ANKRD26: variants seen among roughly 807,000 people sequenced by gnomAD.
ANKRD26 encodes the protein ankyrin repeat domain 26, also known as ankyrin repeat domain-containing protein 26.
A neutral mutation model predicts 208.7 loss-of-function variants in ANKRD26; 141 were observed. The ratio of observed to expected loss-of-function variants is 0.68; its 90% CI spans 0.59 to 0.78. The LOEUF is 0.78. Ranked by LOEUF, ANKRD26 falls within the 30% of genes least tolerant of loss-of-function variation. ANKRD26 has a pLI of 0.00. For synonymous variants in ANKRD26, 636 were observed against 660.4 expected (o/e 0.96, Z 0.57); for missense variants, 1,889 against 1,938.7 (o/e 0.97, Z 0.48).
intron 25 of ANKRD26, chr10:27,030,510 C>A (rs936884126): frequency 2.2e-5 from 22 of 985,224 alleles, no homozygotes; most frequent in Non-Finnish European, 2.5e-5. Flanking sequence ...CTCTGGTGGG[C>A]TTAAGGCTAA....
the ANKRD26 span, among the ~76,000 whole-genome samples, chr10:26,968,575 C>A: frequency 6.6e-6 from 1 of 152,342 alleles, no homozygotes; most frequent in East Asian, 1.9e-4. Context: ...CATAAGCCTT[C>A]ATATTCTAAT....
chr10:26,997,893 GC>G, intron 4 of ANKRD26, among the ~76,000 whole-genome samples: 1 of 152,186 alleles, frequency 6.6e-6, no homozygotes, highest in Admixed American at 6.5e-5. Context: ...AGAGCTTGGG[GC>G]CTTCACAGCA....
At chr10:26,968,031 T>C in the ANKRD26 span, among the ~76,000 whole-genome samples, 4 of 152,114 alleles carry the variant, frequency 2.6e-5, no homozygotes, top group Non-Finnish European at 5.9e-5. Flanking sequence ...CCAATCATGA[T>C]CTCCTCTGGG....
exon 6 of ANKRD26, among the ~76,000 whole-genome samples, chr10:26,975,402 C>CTTTTTTTTTTTTTTTTTTTTTTTTT (rs60226106): frequency 1.1e-5 from 1 of 90,486 alleles, no homozygotes; most frequent in African/African-American, 4.6e-5. Flanking sequence ...CTAATTTTTG[C>CTTTTTTTTTTTTTTTTTTTTTTTTT]TTTTTTTTTT....
chr10:26,977,143 T>C (rs531557577), intron 5 of ANKRD26, among the ~76,000 whole-genome samples: 5 of 152,336 alleles, frequency 3.3e-5, no homozygotes, highest in African/African-American at 1.2e-4. Context: ...CATTTGAAGG[T>C]ATACTTCAAA....
Position 27,093,542 on chromosome 10 carries a change from A to G in ANKRD26, c.358-20T>C. On this transcript the variant is annotated intron_variant, in intron 2 of 33. Transcript: ENST00000376087. ...TACAGCCTGGGAGTATTAGACCAAG[A>G]AACAGATCATAAATTCTAGGAATGC... 7.4e-6 allele frequency: 12 copies of G among 1,613,860 alleles called. No homozygotes were observed. Among genetic ancestry groups the G allele is most frequent in the Non-Finnish European group, 1.0e-5 (12 of 1,179,804 alleles).
the ANKRD26 span, among the ~76,000 whole-genome samples, chr10:26,953,565 A>T: frequency 6.6e-6 from 1 of 152,196 alleles, no homozygotes; most frequent in Non-Finnish European, 1.5e-5. Context: ...AAGCACATTT[A>T]TTGGGAGAAA....
At chr10:27,046,558 A>T in intron 17 of ANKRD26, 35 bp from the exon 18 acceptor site, 3 of 1,597,152 alleles carry the variant, frequency 1.9e-6, no homozygotes, top group Middle Eastern at 3.3e-4. Context: ...CAGTTACATA[A>T]GAAAAAAGAA....
intron 31 of ANKRD26, among the ~76,000 whole-genome samples, chr10:27,013,396 G>C (rs897771335): frequency 6.6e-6 from 1 of 152,160 alleles, no homozygotes; most frequent in Non-Finnish European, 1.5e-5. Flanking sequence ...AACTTCACAG[G>C]TAACACCTGC....
downstream of ANKRD26, among the ~76,000 whole-genome samples, chr10:26,991,575 TGAG>T (rs1382273907): frequency 6.6e-6 from 1 of 152,122 alleles, no homozygotes; most frequent in African/African-American, 2.4e-5. Flanking sequence ...CCCGAGTAGC[TGAG>T]ATTACAGGCA....
chr10:27,005,218 T>C lies in ANKRD26; in HGVS notation c.*372A>G, dbSNP rs916832892. ...ATCCAAACATGAACAATGACCACAG[T>C]TCCTGCACAACAAAATGATGTCTAA... On this transcript the variant is annotated 3_prime_UTR_variant, in exon 34 of 34. Coordinates refer to ENST00000376087, the MANE Select transcript of ANKRD26 (RefSeq NM_014915.3). The C allele has an allele frequency of 4.0e-6, 4 of 1,006,468 alleles. No homozygotes were observed. The highest frequency in any genetic ancestry group is 4.7e-6 in the Non-Finnish European group (4 of 843,218). The allele number at this position is 1,006,468 out of a possible 1,614,324, so 62.3% of individuals were successfully genotyped here.
intron 4 of ANKRD26, among the ~76,000 whole-genome samples, chr10:27,089,943 T>G (rs1187634534): frequency 3.3e-5 from 5 of 152,234 alleles, no homozygotes; most frequent in Non-Finnish European, 5.9e-5. Context: ...ATGTATAAGA[T>G]GCAATCATGA....
downstream of ANKRD26, among the ~76,000 whole-genome samples, chr10:26,971,729 T>C (rs1422264918): frequency 5.5e-5 from 8 of 146,380 alleles, no homozygotes; most frequent in African/African-American, 2.0e-4. Context: ...GGATTTTAAA[T>C]AAACTAACCA....
chr10:26,953,611 T>C, the ANKRD26 span, among the ~76,000 whole-genome samples: 1 of 152,238 alleles, frequency 6.6e-6, no homozygotes, highest in Non-Finnish European at 1.5e-5. Context: ...TTAGTTTCAC[T>C]AATCTTTATT....
At chr10:26,988,742 C>G (rs1332483181), downstream of ANKRD26, among the ~76,000 whole-genome samples, 2 of 151,940 alleles carry the variant, frequency 1.3e-5, no homozygotes, top group African/African-American at 4.8e-5. Context: ...GCTCTCAGAT[C>G]CTGTATAAAT....
chr10:26,977,171 T>C (rs889251728), intron 5 of ANKRD26, among the ~76,000 whole-genome samples: 1 of 152,222 alleles, frequency 6.6e-6, no homozygotes, highest in African/African-American at 2.4e-5. Context: ...TAAATAGCCA[T>C]TGCTTGCTTA....
Position 27,050,978 on chromosome 10 carries a change from G to A in ANKRD26, c.1636-1999C>T, listed in dbSNP as rs924503934. ...TTAGGTAACACCATTTTATACATGAGCTCTTCATAAGCAGAAAATCAGAAT... is the reference window on the plus strand; with the variant it reads ...TTAGGTAACACCATTTTATACATGAACTCTTCATAAGCAGAAAATCAGAAT... On this transcript the variant is annotated intron_variant, in intron 16 of 33. Transcript: ENST00000376087. The A allele has an allele frequency of 2.0e-5, 20 of 1,011,356 alleles. No individual in the cohort carries two copies. The African/African-American group carries it at 3.1e-4, about 15-fold the overall frequency. The allele number at this position is 1,011,356 out of a possible 1,614,324, so 62.6% of individuals were successfully genotyped here. A position where few individuals can be genotyped will look rare whatever the true frequency, so the allele number is the denominator to read the frequency against.
chr10:26,999,520 A>G (rs35093122), downstream of ANKRD26, among the ~76,000 whole-genome samples: 17,649 of 152,126 alleles, frequency 0.12, 1,444 homozygotes, highest in East Asian at 0.44. Flanking sequence ...CTGGCACAAT[A>G]TGTCAGGGGC....
chr10:26,973,909 G>A (rs549561367), exon 6 of ANKRD26, among the ~76,000 whole-genome samples: 8 of 151,734 alleles, frequency 5.3e-5, no homozygotes, highest in African/African-American at 1.4e-4. Context: ...CACCCACCTC[G>A]GCCTCCCAAA....
Sources: allele counts gnomAD v4.1 joint callset (sites outside exome capture counted in the v4.1 genomes callset), GRCh38; gene constraint gnomAD v4.1.1; transcripts MANE v1.5; gene names NCBI Gene and HGNC (gene_info 2026-07-23, HGNC 2026-07-21).